The following OPN5 variants were observed in gnomAD, a reference collection of about 807,000 sequenced individuals.
OPN5 encodes opsin 5.
OPN5 carries 18 observed loss-of-function variants against 41.7 expected under a neutral mutation model. The observed-to-expected ratio is 0.43, with a 90% CI of 0.30 to 0.64. The LOEUF (loss-of-function observed/expected upper bound fraction) is 0.64, where lower values mean the gene tolerates loss of function less well. Among genes scored for constraint, OPN5 ranks in the 30% least tolerant of loss-of-function variants. The probability of loss-of-function intolerance (pLI) is 0.13; values close to 1 mark genes in which losing one functional copy is unlikely to be tolerated. For synonymous variants in OPN5, 178 were observed against 164.3 expected, an observed-to-expected ratio of 1.08 and a Z score of -0.64; for missense variants, 318 against 434.5, an observed-to-expected ratio of 0.73 and a Z score of 2.38.
chr6:47,799,795 A>G (rs1773702725), intron 4 of OPN5, among the ~76,000 whole-genome samples: 1 of 152,102 alleles, frequency 6.6e-6, no homozygotes, highest in Non-Finnish European at 1.5e-5. Context: ...AACTCCTCTG[A>G]TGTCCCCACT....
intron 4 of OPN5, among the ~76,000 whole-genome samples, chr6:47,799,636 T>C (rs1049994938): frequency 6.6e-6 from 1 of 152,244 alleles, no homozygotes; most frequent in Admixed American, 6.5e-5. Context: ...CCGGTGCATC[T>C]TGGGTCTTGG....
intron 4 of OPN5, among the ~76,000 whole-genome samples, chr6:47,799,047 G>A (rs573205193): frequency 6.2e-4 from 94 of 152,026 alleles, no homozygotes; most frequent in Admixed American, 4.7e-3. Flanking sequence ...GTATTCTGCC[G>A]GTCTGATCTC....
At chr6:47,787,132 A>G (rs1237509501) in intron 2 of OPN5, 17 of 979,678 alleles carry the variant, frequency 1.7e-5, no homozygotes, top group Non-Finnish European at 1.9e-5. Flanking sequence ...TGATATATGT[A>G]ATCATGACTT....
chr6:47,785,085 AAAC>A (rs1302343161), intron 1 of OPN5, among the ~76,000 whole-genome samples: 1 of 152,240 alleles, frequency 6.6e-6, no homozygotes, highest in Non-Finnish European at 1.5e-5. Flanking sequence ...AAAAGTAAGA[AAAC>A]AAATATTTTC....
At chr6:47,816,011 A>G (rs1762418718) in intron 6 of OPN5, among the ~76,000 whole-genome samples, 1 of 152,164 alleles carries the variant, frequency 6.6e-6, no homozygotes, top group South Asian at 2.1e-4. Flanking sequence ...ACAGGCAACT[A>G]TTACTTAAAA....
At chr6:47,801,683 T>C (rs151136451) in intron 4 of OPN5, among the ~76,000 whole-genome samples, 206 of 152,358 alleles carry the variant, frequency 1.4e-3, no homozygotes, top group Middle Eastern at 3.4e-3. Flanking sequence ...GCCTTTACGT[T>C]ATCTTCTTGG....
chr6:47,782,052 T>C, exon 1 of OPN5: 1 of 1,611,558 alleles, frequency 6.2e-7, no homozygotes, highest in Non-Finnish European at 8.5e-7. Context: ...AGATCCCTCG[T>C]GGTTCGAGAA....
chr6:47,786,142 C>T (rs1225280390), intron 1 of OPN5, among the ~76,000 whole-genome samples: 1 of 152,184 alleles, frequency 6.6e-6, no homozygotes, highest in East Asian at 1.9e-4. Context: ...AAGGGTTTAA[C>T]CCTACTGATC....
intron 1 of OPN5, among the ~76,000 whole-genome samples, chr6:47,785,534 C>T (rs1396898050): frequency 6.6e-6 from 1 of 152,156 alleles, no homozygotes; most frequent in Non-Finnish European, 1.5e-5. Flanking sequence ...CCTGTTAATA[C>T]TCTCCTTATT....
intron 4 of OPN5, among the ~76,000 whole-genome samples, chr6:47,807,072 G>A (rs576886704): frequency 7.0e-4 from 107 of 152,282 alleles, no homozygotes; most frequent in African/African-American, 2.4e-3. Flanking sequence ...CAGGAGAATC[G>A]CTTGAACCTG....
rs145750200 is a variant in OPN5, at chr6:47,782,679, G to A, written c.130+483G>A. Among the ~76,000 whole-genome samples the A allele has an allele frequency of 2.4e-3, 370 of 152,288 alleles. 1 individual carries two copies. Among genetic ancestry groups the A allele is most frequent in the African/African-American group, 8.4e-3 (348 of 41,562 alleles). On this transcript the variant is annotated intron_variant, in intron 1 of 6. Coordinates refer to ENST00000371211, the Ensembl canonical transcript of OPN5. ...ACTATAGTAATGGCAGAAACACTGAGTTTACTTCACCTAAAAGTAAAGTCG... is the reference window on the plus strand; with the variant it reads ...ACTATAGTAATGGCAGAAACACTGAATTTACTTCACCTAAAAGTAAAGTCG...
chr6:47,782,252 A>G (rs1373139979), intron 1 of OPN5, 56 bp downstream of exon 1: 4 of 1,558,244 alleles, frequency 2.6e-6, no homozygotes, highest in African/African-American at 1.4e-5. Context: ...TCATGGGCTG[A>G]TATGTTAATT....
intron 6 of OPN5, among the ~76,000 whole-genome samples, chr6:47,820,131 A>AAG (rs1762572265): frequency 1.2e-5 from 1 of 81,572 alleles, no homozygotes; most frequent in African/African-American, 4.0e-5. Flanking sequence ...TCTCCTTTTG[A>AAG]ATAGAGAGAG....
chr6:47,792,124 C>T, intron 3 of OPN5, 152 bp downstream of exon 3: 1 of 608,200 alleles, frequency 1.6e-6, no homozygotes, highest in Non-Finnish European at 2.8e-6. Flanking sequence ...CTTGTTCTGA[C>T]ATGTTTAAGG....
intron 2 of OPN5, among the ~76,000 whole-genome samples, chr6:47,788,808 G>GC (rs931238920): frequency 2.7e-5 from 4 of 148,176 alleles, no homozygotes; most frequent in African/African-American, 5.0e-5. Flanking sequence ...GATAACCTGG[G>GC]GGGGGGCGGT....
chr6:47,794,452 G>GATCACT (rs1363050520), intron 3 of OPN5, among the ~76,000 whole-genome samples: 1 of 152,156 alleles, frequency 6.6e-6, no homozygotes, highest in Non-Finnish European at 1.5e-5. Flanking sequence ...TTCTGAAAAT[G>GATCACT]ATCACTAGTG....
chr6:47,792,972 C>T (rs1773429594), intron 3 of OPN5, among the ~76,000 whole-genome samples: 1 of 138,456 alleles, frequency 7.2e-6, no homozygotes. Flanking sequence ...TCTTCATCAT[C>T]CAGCACTACG....
intron 4 of OPN5, among the ~76,000 whole-genome samples, chr6:47,806,364 A>T (rs912717652): frequency 2.0e-5 from 3 of 152,128 alleles, no homozygotes; most frequent in African/African-American, 7.2e-5. Context: ...CAAAGTTTTG[A>T]TTACATTTGT....
At chr6:47,811,969 C>T (rs867220559) in intron 6 of OPN5, 4 of 315,098 alleles carry the variant, frequency 1.3e-5, no homozygotes, top group Admixed American at 4.6e-5. Flanking sequence ...TTTCTTTTCT[C>T]GTACTTTAAA....
Sources: gnomAD v4.1 joint callset for allele counts (sites outside exome capture counted in the v4.1 genomes callset) on GRCh38, gnomAD v4.1.1 for gene constraint, MANE v1.5 for transcripts, NCBI Gene and HGNC (gene_info 2026-07-23, HGNC 2026-07-21) for gene names.